ARID1B: variants seen among roughly 807,000 people sequenced by gnomAD.
ARID1B encodes AT-rich interaction domain 1B.
ARID1B carries 30 observed loss-of-function variants against 212.3 expected under a neutral mutation model. The observed-to-expected ratio is 0.14, with a 90% CI of 0.11 to 0.19. The LOEUF (loss-of-function observed/expected upper bound fraction) is 0.19, where lower values mean the gene tolerates loss of function less well. Ranked by LOEUF, ARID1B falls within the 10% of genes least tolerant of loss-of-function variation. The pLI, the probability that ARID1B is intolerant of heterozygous loss-of-function variation, is 1.00. For missense variants in ARID1B, 2,891 were observed against 3,204.0 expected (o/e 0.90, Z 2.36); for synonymous variants, 1,402 against 1,301.7 (o/e 1.08, Z -1.66).
intron 1 of ARID1B, among the ~76,000 whole-genome samples, chr6:156,797,237 A>G (rs1255150259): frequency 6.6e-6 from 1 of 152,212 alleles, no homozygotes; most frequent in Non-Finnish European, 1.5e-5. Context: ...TTCCAGAGAA[A>G]TTTAATCCCA....
At chr6:157,087,327 C>T (rs1441035791) in intron 5 of ARID1B, among the ~76,000 whole-genome samples, 1 of 152,200 alleles carries the variant, frequency 6.6e-6, no homozygotes, top group Non-Finnish European at 1.5e-5. Flanking sequence ...CATTTATTCA[C>T]CTTTCTCCCA....
rs896022609 is a variant in ARID1B at position 157,084,112 on chromosome 6, C to T, written c.2248-550C>T. Reference sequence around the variant, plus strand: ...TCGCGCCATTACACTCCAGCCTGGGCGACAAGAGTGAGACTTCATCACCTC... The same window carrying T: ...TCGCGCCATTACACTCCAGCCTGGGTGACAAGAGTGAGACTTCATCACCTC... On this transcript the variant is annotated intron_variant, in intron 4 of 19. Transcript: ENST00000636930. 4.1e-5 allele frequency among the ~76,000 whole-genome samples: 6 copies of T among 147,816 alleles called. No individual in the cohort carries two copies. In the East Asian group the frequency reaches 1.2e-3, roughly 30 times the overall value.
At chr6:156,795,651 T>G (rs1780315300) in intron 1 of ARID1B, among the ~76,000 whole-genome samples, 5 of 152,248 alleles carry the variant, frequency 3.3e-5, no homozygotes, top group Admixed American at 2.6e-4. Flanking sequence ...TTCAGTGGTG[T>G]TAGGAGGTTG....
chr6:156,865,217 G>A (rs891048378), intron 2 of ARID1B, among the ~76,000 whole-genome samples: 1 of 152,038 alleles, frequency 6.6e-6, no homozygotes, highest in African/African-American at 2.4e-5. Flanking sequence ...TGTCTTTCTT[G>A]TTTTGGTGGA....
At chr6:156,861,746 C>G (rs948723468) in intron 2 of ARID1B, among the ~76,000 whole-genome samples, 2 of 152,168 alleles carry the variant, frequency 1.3e-5, no homozygotes, top group Admixed American at 1.3e-4. Context: ...TTTCTCTTTG[C>G]TTACAAAGCT....
intron 5 of ARID1B, among the ~76,000 whole-genome samples, chr6:157,085,328 A>C (rs4318894): frequency 1.1e-3 from 170 of 152,180 alleles, no homozygotes; most frequent in African/African-American, 3.9e-3. Context: ...ACATTTCTAC[A>C]GTCTATACTT....
intron 4 of ARID1B, among the ~76,000 whole-genome samples, chr6:157,016,684 C>T (rs1275727183): frequency 2.6e-5 from 4 of 152,168 alleles, no homozygotes; most frequent in African/African-American, 9.7e-5. Context: ...GAGTGGGTCC[C>T]GCCTGTGCTC....
At chr6:157,035,035 G>C (rs1781238224) in intron 4 of ARID1B, among the ~76,000 whole-genome samples, 1 of 152,142 alleles carries the variant, frequency 6.6e-6, no homozygotes, top group Non-Finnish European at 1.5e-5. Flanking sequence ...GTCTGTCACT[G>C]TCTCTGTCTG....
At chr6:156,937,145 A>G (rs1792308319) in intron 4 of ARID1B, 1 of 151,710 alleles carries the variant, frequency 6.6e-6, no homozygotes, top group African/African-American at 2.4e-5. Flanking sequence ...TTTGTGTTGT[A>G]TGCTGCTAAA....
chr6:157,039,295 T>G (rs1014386434), intron 4 of ARID1B, among the ~76,000 whole-genome samples: 18 of 150,944 alleles, frequency 1.2e-4, no homozygotes, highest in African/African-American at 4.1e-4. Flanking sequence ...TTTATACATA[T>G]AATTAAAAAT....
At chr6:156,959,208 C>T (rs1794183017) in intron 4 of ARID1B, among the ~76,000 whole-genome samples, 1 of 152,068 alleles carries the variant, frequency 6.6e-6, no homozygotes, top group African/African-American at 2.4e-5. Context: ...ATGTACAGTC[C>T]TCAGTATCCA....
intron 1 of ARID1B, among the ~76,000 whole-genome samples, chr6:156,788,870 A>G (rs1043289751): frequency 1.3e-5 from 2 of 152,330 alleles, no homozygotes; most frequent in African/African-American, 4.8e-5. Context: ...ACAAATACTT[A>G]CTGAGCACCA....
rs797045268 is a variant in ARID1B at position 156,778,982 on chromosome 6, A to AGGC, written c.1318_1320dup (p.Gly440dup). 1,172 of 1,262,816 alleles carry AGGC rather than the reference A, an allele frequency of 9.3e-4. 2 individuals are homozygous for AGGC. The highest frequency in any genetic ancestry group is 5.6e-3 in the African/African-American group (334 of 59,604). 78.2% of individuals were successfully genotyped at this position (1,262,816 alleles called of 1,614,324 possible). A position where few individuals can be genotyped will look rare whatever the true frequency, so the allele number is the denominator to read the frequency against. On this transcript the variant is annotated inframe_insertion, in exon 1 of 20. Transcript: ENST00000636930. ...CCGCGGCGGCGGCGGCAGCAGCAGGAGGCGGCGGCGGCGGCGGCTATGGGG... is the reference window on the plus strand; with the variant it reads ...CCGCGGCGGCGGCGGCAGCAGCAGGAGGCGGCGGCGGCGGCGGCGGCTATGGGG...
chr6:156,845,182 G>A (rs1784153695), intron 2 of ARID1B, among the ~76,000 whole-genome samples: 1 of 152,104 alleles, frequency 6.6e-6, no homozygotes, highest in African/African-American at 2.4e-5. Flanking sequence ...CACTTTGCAT[G>A]TTGTTCTTTA....
intron 4 of ARID1B, among the ~76,000 whole-genome samples, chr6:157,019,637 A>G (rs528125695): frequency 6.6e-6 from 1 of 152,278 alleles, no homozygotes; most frequent in South Asian, 2.1e-4. Flanking sequence ...TGTCCATTAA[A>G]TGTTGGTACT....
chr6:156,844,990 C>A (rs563824055), intron 2 of ARID1B, among the ~76,000 whole-genome samples: 10 of 152,220 alleles, frequency 6.6e-5, no homozygotes, highest in African/African-American at 1.7e-4. Context: ...TCTGAGTGAA[C>A]AATTTTTCAT....
At chr6:156,979,592 T>A (rs1390721819) in intron 4 of ARID1B, among the ~76,000 whole-genome samples, 1 of 151,908 alleles carries the variant, frequency 6.6e-6, no homozygotes, top group Non-Finnish European at 1.5e-5. Flanking sequence ...AAAGTCTCGC[T>A]CTGTCGCCAG....
intron 6 of ARID1B, among the ~76,000 whole-genome samples, chr6:157,118,743 A>G (rs866512027): frequency 6.6e-6 from 1 of 152,256 alleles, no homozygotes; most frequent in Non-Finnish European, 1.5e-5. Context: ...TAAGCCAGCT[A>G]TCCAGAAATA....
At chr6:157,134,891 C>T (rs527571993) in intron 7 of ARID1B, among the ~76,000 whole-genome samples, 39 of 152,274 alleles carry the variant, frequency 2.6e-4, no homozygotes, top group Admixed American at 1.6e-3. Context: ...TAGGAGTTAA[C>T]TCTTAAGTCC....
Sources: gnomAD v4.1 joint callset for allele counts (sites outside exome capture counted in the v4.1 genomes callset) on GRCh38, gnomAD v4.1.1 for gene constraint, MANE v1.5 for transcripts, NCBI Gene and HGNC (gene_info 2026-07-23, HGNC 2026-07-21) for gene names.